The following ANKRD42 variants were observed in gnomAD, a reference collection of about 807,000 sequenced individuals.
ANKRD42 encodes ankyrin repeat domain-containing protein 42.
ANKRD42 carries 43 observed loss-of-function variants against 51.5 expected under a neutral mutation model. The ratio of observed to expected loss-of-function variants is 0.83; its 90% confidence interval spans 0.65 to 1.08. The LOEUF (loss-of-function observed/expected upper bound fraction) is 1.08. Ranked by LOEUF, ANKRD42 falls within the 50% of genes least tolerant of loss-of-function variation. The probability of loss-of-function intolerance (pLI) is 0.00; values close to 1 mark genes in which losing one functional copy is unlikely to be tolerated. For synonymous variants in ANKRD42, 203 were observed against 213.0 expected (o/e 0.95, Z 0.41); for missense variants, 608 against 629.3 (o/e 0.97, Z 0.36).
intron 5 of ANKRD42, among the ~76,000 whole-genome samples, chr11:83,219,557 C>T (rs990436056): frequency 6.6e-6 from 1 of 152,142 alleles, no homozygotes; most frequent in Non-Finnish European, 1.5e-5. Flanking sequence ...AGCCTCTGTC[C>T]CCACTTGCCA....
chr11:83,226,316 G>A (rs1316619542), intron 6 of ANKRD42, among the ~76,000 whole-genome samples: 1 of 152,104 alleles, frequency 6.6e-6, no homozygotes. Flanking sequence ...TTTAATGATA[G>A]TAACTACATA....
rs766576944 is a variant in ANKRD42, at chr11:83,210,324, C to A, written c.355C>A (p.Leu119Met). The change falls in exon 4 of 11, where the codon CTG becomes ATG. Residue 119 changes from leucine (L) to methionine (M), a missense_variant. Physicochemically the swap from Leu to Met is conservative, Grantham distance 15. Coordinates refer to ENST00000533342, the MANE Select transcript of ANKRD42 (RefSeq NM_001300975.2). ...VQALIMNGAN[L>M]TAQDDRGCTP... ...GGCTCTTATAATGAATGGAGCAAAT[C>A]TGACAGCCCAGGATGACCGGGGATG... 1 of 1,613,838 alleles carries A rather than the reference C, an allele frequency of 6.2e-7. No homozygotes were observed. Among genetic ancestry groups the A allele is most frequent in the Non-Finnish European group, 8.5e-7 (1 of 1,179,774 alleles).
downstream of ANKRD42, among the ~76,000 whole-genome samples, chr11:83,256,300 T>C (rs1863773440): frequency 6.6e-6 from 1 of 152,112 alleles, no homozygotes; most frequent in African/African-American, 2.4e-5. Flanking sequence ...TAGAATTATA[T>C]TTCTTTCACT....
chr11:83,252,925 G>A (rs536695677), downstream of ANKRD42, among the ~76,000 whole-genome samples: 1 of 152,130 alleles, frequency 6.6e-6, no homozygotes, highest in Admixed American at 6.6e-5. Context: ...CAGAGAGAGA[G>A]TTATGTAGCA....
intron 8 of ANKRD42, 68 bp downstream of exon 8, chr11:83,236,577 C>A (rs1192831142): frequency 8.1e-6 from 10 of 1,241,546 alleles, no homozygotes; most frequent in South Asian, 1.5e-5. Flanking sequence ...TTTTTGGACT[C>A]AAAAATCTCT....
chr11:83,248,830 T>G lies in ANKRD42; in HGVS notation c.*626T>G. Reference sequence around the variant, plus strand: ...ATTGTTAACAATTTAGTACATACCATATTAGACAAAATTCTATTTATCTGC... The same window carrying G: ...ATTGTTAACAATTTAGTACATACCAGATTAGACAAAATTCTATTTATCTGC... On this transcript the variant is annotated 3_prime_UTR_variant, in exon 11 of 11. Transcript: ENST00000533342. 1 of 980,080 alleles carries G rather than the reference T, an allele frequency of 1.0e-6. No homozygotes were observed. The highest frequency in any genetic ancestry group is 1.2e-6 in the Non-Finnish European group (1 of 824,996). The allele number at this position is 980,080 out of a possible 1,614,324, so 60.7% of individuals were successfully genotyped here.
At chr11:83,208,491 T>C (rs1326520562) in intron 3 of ANKRD42, among the ~76,000 whole-genome samples, 1 of 152,044 alleles carries the variant, frequency 6.6e-6, no homozygotes, top group Non-Finnish European at 1.5e-5. Context: ...TCTAGCAAAG[T>C]GTGTCCAGGA....
chr11:83,219,394 G>C (rs762627476), intron 5 of ANKRD42, among the ~76,000 whole-genome samples: 7 of 152,198 alleles, frequency 4.6e-5, no homozygotes, highest in Non-Finnish European at 1.0e-4. Flanking sequence ...CACCACTGAT[G>C]CTTGCATGCT....
At chr11:83,214,804 G>C (rs538456470) in intron 5 of ANKRD42, 2 of 153,048 alleles carry the variant, frequency 1.3e-5, no homozygotes, top group African/African-American at 4.8e-5. Flanking sequence ...CTACTGATCT[G>C]TCAAACACTA....
chr11:83,257,437 GC>G, downstream of ANKRD42: 1 of 395,632 alleles, frequency 2.5e-6, no homozygotes, highest in Non-Finnish European at 5.0e-6. Context: ...TGAACTGAAA[GC>G]CATAGTTGTT....
rs778819278 is a variant in ANKRD42 at position 83,225,002 on chromosome 11, TAC to T, written c.736_737del (p.Gln246ValfsTer6). Reference sequence around the variant, plus strand: ...CAGAGGTTCTTCAAGCAGAACATTTTACAGTTTATCCAGGGGGCTGAGTATGA... The same window carrying T: ...CAGAGGTTCTTCAAGCAGAACATTTTAGTTTATCCAGGGGGCTGAGTATGA... On this transcript the variant is annotated frameshift_variant, in exon 6 of 11. Coordinates refer to ENST00000533342, the MANE Select transcript of ANKRD42 (RefSeq NM_001300975.2). LOFTEE classifies it high-confidence loss of function. 6.2e-7 allele frequency: 1 copy of T among 1,613,384 alleles called. No homozygotes were observed. The highest frequency in any genetic ancestry group is 8.5e-7 in the Non-Finnish European group (1 of 1,179,494).
chr11:83,239,015 A>T (rs986096928), intron 8 of ANKRD42, among the ~76,000 whole-genome samples: 2 of 150,180 alleles, frequency 1.3e-5, no homozygotes, highest in Admixed American at 1.3e-4. Flanking sequence ...AAAAAAAAAA[A>T]TTTTGCATTT....
At chr11:83,251,205 A>G (rs531966043), downstream of ANKRD42, among the ~76,000 whole-genome samples, 10 of 152,150 alleles carry the variant, frequency 6.6e-5, no homozygotes, top group African/African-American at 2.4e-4. Context: ...ACTCTGTAAA[A>G]TCCCCTAGGA....
chr11:83,252,966 G>A (rs747769895), downstream of ANKRD42, among the ~76,000 whole-genome samples: 1 of 152,162 alleles, frequency 6.6e-6, no homozygotes, highest in Non-Finnish European at 1.5e-5. Context: ...TCCAGAACCA[G>A]TATTATTCAG....
chr11:83,241,526 G>A (rs1449887638), intron 9 of ANKRD42, among the ~76,000 whole-genome samples: 10 of 151,958 alleles, frequency 6.6e-5, no homozygotes, highest in African/African-American at 1.2e-4. Context: ...TTGGAAGAAC[G>A]TGCCAGCAGA....
intron 2 of ANKRD42, among the ~76,000 whole-genome samples, chr11:83,203,602 C>T (rs915789130): frequency 2.0e-5 from 3 of 152,034 alleles, no homozygotes; most frequent in African/African-American, 7.2e-5. Flanking sequence ...TTATGTTGGC[C>T]AGGCTCGTCT....
At chr11:83,263,062 C>CT (rs1453872405), downstream of ANKRD42, among the ~76,000 whole-genome samples, 1 of 152,076 alleles carries the variant, frequency 6.6e-6, no homozygotes, top group East Asian at 1.9e-4. Context: ...GGATTTAAGA[C>CT]TAAGTGTACT....
downstream of ANKRD42, among the ~76,000 whole-genome samples, chr11:83,252,548 C>T (rs1382472120): frequency 2.0e-5 from 3 of 152,156 alleles, no homozygotes; most frequent in East Asian, 3.8e-4. Context: ...CACATCACCA[C>T]GAATGAATTT....
intron 6 of ANKRD42, among the ~76,000 whole-genome samples, chr11:83,225,331 C>G (rs11233528): frequency 6.6e-6 from 1 of 151,946 alleles, no homozygotes; most frequent in Non-Finnish European, 1.5e-5. Flanking sequence ...CTTCGGGAGT[C>G]TGAGGTGAGT....
Sources: allele counts gnomAD v4.1 joint callset (sites outside exome capture counted in the v4.1 genomes callset), GRCh38; gene constraint gnomAD v4.1.1; transcripts MANE v1.5; gene names NCBI Gene and HGNC (gene_info 2026-07-23, HGNC 2026-07-21).